DOCK11: variants seen among roughly 807,000 people sequenced by gnomAD.
The protein encoded by DOCK11 is dedicator of cytokinesis 11.
Under a neutral mutation model 169.1 loss-of-function variants are expected in DOCK11, and 70 were observed. That is an observed-to-expected ratio of 0.41 (90% CI 0.34 to 0.51). DOCK11 has a LOEUF of 0.51. Ranked by LOEUF, DOCK11 falls within the 20% of genes least tolerant of loss-of-function variation. DOCK11 has a pLI of 0.10. For synonymous variants in DOCK11, 529 were observed against 541.3 expected, an observed-to-expected ratio of 0.98 and a Z score of 0.32; for missense variants, 1,166 against 1,538.8, an observed-to-expected ratio of 0.76 and a Z score of 4.05.
chrX:118,591,911 C>T (rs2014011460), intron 19 of DOCK11, among the ~76,000 whole-genome samples: 1 of 100,502 alleles, frequency 1.0e-5, no homozygotes, highest in Non-Finnish European at 2.0e-5. Context: ...CAATAGTTTG[C>T]TGAGAATGAT....
intron 50 of DOCK11, 95 bp downstream of exon 50, chrX:118,681,343 G>T: frequency 1.2e-6 from 1 of 849,154 alleles, no homozygotes; most frequent in Non-Finnish European, 1.6e-6. Context: ...TTATGTGTTG[G>T]GCACTTACTG....
At chrX:118,610,553 C>T (rs1324895230) in intron 28 of DOCK11, 135 bp downstream of exon 28, 1 of 665,404 alleles carries the variant, frequency 1.5e-6, no homozygotes. Flanking sequence ...TGCTTACAAA[C>T]GTTGGCTATT....
intron 36 of DOCK11, among the ~76,000 whole-genome samples, chrX:118,636,845 A>G (rs1007709954): frequency 6.3e-5 from 7 of 111,948 alleles, no homozygotes; most frequent in Admixed American, 2.8e-4. Context: ...ACACACACAC[A>G]CACACACACA....
chrX:118,564,468 T>G (rs777325323), intron 7 of DOCK11, among the ~76,000 whole-genome samples: 3 of 111,713 alleles, frequency 2.7e-5, no homozygotes, highest in Non-Finnish European at 5.6e-5. Context: ...ACAGAGAAGG[T>G]GGTAAAGTAA....
At chrX:118,575,267 C>T (rs978323462) in intron 12 of DOCK11, among the ~76,000 whole-genome samples, 14 of 111,022 alleles carry the variant, frequency 1.3e-4, no homozygotes, top group African/African-American at 4.6e-4. Context: ...TATATTCATG[C>T]TGTTTTATAC....
At position 118,542,949 on chromosome X, in the gene DOCK11, C is replaced by T; in HGVS notation, c.243C>T (p.Arg81=). 3 of 1,208,826 alleles carry T rather than the reference C, an allele frequency of 2.5e-6. No individual in the cohort carries two copies. The highest frequency in any genetic ancestry group is 3.4e-6 in the Non-Finnish European group (3 of 894,438). Residue 81 remains arginine (R), a synonymous_variant, in exon 3 of 53, where the codon CGC becomes CGT. Transcript: ENST00000276202. ...DISISVIGRQ[R]RTVQSTVPED... Reference sequence around the variant, plus strand: ...AGATCTCGGTGATAGGTCGTCAACGCAGAACGGTGCAGTCTACTGTACCAG... The same window carrying T: ...AGATCTCGGTGATAGGTCGTCAACGTAGAACGGTGCAGTCTACTGTACCAG...
At chrX:118,512,317 G>A (rs2057655540) in intron 1 of DOCK11, among the ~76,000 whole-genome samples, 1 of 112,309 alleles carries the variant, frequency 8.9e-6, no homozygotes, top group South Asian at 3.7e-4. Flanking sequence ...GGGGCAAAAG[G>A]AAGGTATTTT....
At chrX:118,649,552 C>G (rs923426627) in intron 41 of DOCK11, among the ~76,000 whole-genome samples, 3 of 111,229 alleles carry the variant, frequency 2.7e-5, no homozygotes, top group African/African-American at 9.8e-5. Flanking sequence ...GGAGTCTCGC[C>G]CTGTCACCCA....
rs1412573211 is a variant in DOCK11 at position 118,680,506 on chromosome X, A to C, written c.5485A>C (p.Lys1829Gln). The C allele has an allele frequency of 8.6e-7, 1 of 1,167,408 alleles. No individual in the cohort carries two copies. Among genetic ancestry groups the C allele is most frequent in the Admixed American group, 2.4e-5 (1 of 42,434 alleles). ...DKVNAKELDP[K>Q]YAHIQVTYVK... ...GGTAAATGCCAAAGAGCTTGATCCAAAATATGCTCATATACAAGTTACTTA... is the reference window on the plus strand; with the variant it reads ...GGTAAATGCCAAAGAGCTTGATCCACAATATGCTCATATACAAGTTACTTA... Residue 1829 changes from lysine to glutamine, a missense_variant, in exon 49 of 53, where the codon AAA becomes CAA. Lys to Gln is a moderately conservative substitution (Grantham distance 53). Coordinates refer to ENST00000276202, the MANE Select transcript of DOCK11 (RefSeq NM_144658.4).
In DOCK11 at chrX:118,540,085, A is replaced by G. The variant is rs192659047; in HGVS notation, c.103-2640A>G. Among the ~76,000 whole-genome samples, 138 of 108,944 alleles carry G rather than the reference A, an allele frequency of 1.3e-3. 1 individual carries two copies. The highest frequency in any genetic ancestry group is 2.2e-3 in the Non-Finnish European group (114 of 52,406). 94.6% of individuals were successfully genotyped at this position (108,944 alleles called of 115,157 possible). ...AAAAAAAAAAAAAAAAAGGAAAAGA[A>G]AAGAAAAAAGAAAGCTGAAGGAGGA... is the stretch of plus-strand genomic sequence containing the variant. On this transcript the variant is annotated intron_variant, in intron 1 of 52. Transcript: ENST00000276202.
chrX:118,656,493 C>G (rs1182477514), intron 44 of DOCK11, among the ~76,000 whole-genome samples: 1 of 109,856 alleles, frequency 9.1e-6, no homozygotes, highest in Admixed American at 9.7e-5. Flanking sequence ...AAATAAGGCC[C>G]CATTTGAGGG....
chrX:118,651,995 A>G lies in DOCK11; in HGVS notation c.4613A>G (p.Asp1538Gly). The G allele has an allele frequency of 8.3e-7, 1 of 1,206,511 alleles. No individual in the cohort carries two copies. The highest frequency in any genetic ancestry group is 1.8e-5 in the South Asian group (1 of 55,814). The change falls in exon 42 of 53, where the codon GAT becomes GGT. Residue 1538 changes from aspartate to glycine, a missense_variant. Physicochemically the swap from Asp to Gly is moderately conservative, Grantham distance 94. Transcript: ENST00000276202. The part of the protein sequence containing the change: ...IIIAVSQLIA[D>G]VALSGGSRFQ... ...ATTGCTGTAAGCCAACTGATAGCTG[A>G]TGTAGCACTAAGCGGAGGATCAAGA...
chrX:118,596,514 G>T (rs903494138), intron 20 of DOCK11, among the ~76,000 whole-genome samples: 1 of 112,178 alleles, frequency 8.9e-6, no homozygotes, highest in African/African-American at 3.2e-5. Flanking sequence ...GAAAGCAGTA[G>T]CTTTAAAAAA....
rs766027740 is a variant in DOCK11, at chrX:118,584,357, A to G, written c.1596-378A>G. ...TACTCAGTGTTCTTGAGATTCATCC[A>G]TATTGTTGTGTGAATATGTAGTTCA... On this transcript the variant is annotated intron_variant, in intron 14 of 52. Transcript: ENST00000276202. Among the ~76,000 whole-genome samples the G allele has an allele frequency of 6.4e-4, 72 of 112,361 alleles. 1 individual carries two copies. The highest frequency in any genetic ancestry group is 2.1e-3 in the African/African-American group (65 of 30,959).
chrX:118,655,327 A>T (rs1004767164), intron 44 of DOCK11, among the ~76,000 whole-genome samples: 9 of 70,610 alleles, frequency 1.3e-4, no homozygotes, highest in Admixed American at 2.8e-4. Context: ...ATAAAATATA[A>T]AAAAAAAATA....
At chrX:118,499,540 C>CT (rs1347551521) in intron 1 of DOCK11, among the ~76,000 whole-genome samples, 1 of 112,034 alleles carries the variant, frequency 8.9e-6, no homozygotes. Context: ...CCGCTCACAA[C>CT]TACCTTTGCA....
At chrX:118,567,305 C>T (rs1033338886) in intron 9 of DOCK11, among the ~76,000 whole-genome samples, 5 of 110,221 alleles carry the variant, frequency 4.5e-5, no homozygotes, top group African/African-American at 1.6e-4. Flanking sequence ...CTTTATTCAT[C>T]TTACTGGACA....
At chrX:118,625,303 C>T (rs760278213) in intron 32 of DOCK11, among the ~76,000 whole-genome samples, 1 of 110,312 alleles carries the variant, frequency 9.1e-6, no homozygotes, top group South Asian at 3.9e-4. Context: ...TACAGGTGCC[C>T]GCCACCATGC....
intron 1 of DOCK11, among the ~76,000 whole-genome samples, chrX:118,520,191 T>C (rs1243371613): frequency 8.9e-6 from 1 of 111,988 alleles, no homozygotes; most frequent in African/African-American, 3.2e-5. Context: ...AGGAAACCAA[T>C]ATGATATTGG....
Sources: gnomAD v4.1 joint callset for allele counts (sites outside exome capture counted in the v4.1 genomes callset) on GRCh38, gnomAD v4.1.1 for gene constraint, MANE v1.5 for transcripts, NCBI Gene and HGNC (gene_info 2026-07-23, HGNC 2026-07-21) for gene names.